The following BBS7 variants were observed in gnomAD, a reference collection of about 807,000 sequenced individuals.
BBS7 encodes the protein BBSome complex member BBS7.
BBS7 carries 50 observed loss-of-function variants against 90.3 expected under a neutral mutation model. The ratio of observed to expected loss-of-function variants is 0.55; its 90% CI spans 0.44 to 0.70. The LOEUF is 0.70. Ranked by LOEUF, BBS7 falls within the 30% of genes least tolerant of loss-of-function variation. The pLI is 0.00. For missense variants in BBS7, 729 were observed against 838.9 expected (o/e 0.87, Z 1.62); for synonymous variants, 235 against 287.4 (o/e 0.82, Z 1.85).
intron 5 of BBS7, among the ~76,000 whole-genome samples, chr4:121,856,401 A>C (rs1726671567): frequency 6.6e-6 from 1 of 152,216 alleles, no homozygotes; most frequent in East Asian, 1.9e-4. Context: ...AAAAATATCC[A>C]TGATCTATAA....
intron 10 of BBS7, 113 bp from the exon 11 acceptor site, chr4:121,845,809 G>T: frequency 2.0e-6 from 2 of 999,470 alleles, no homozygotes; most frequent in Non-Finnish European, 3.0e-6. Flanking sequence ...TTTATTGGTT[G>T]AGTTAATAAA....
intron 10 of BBS7, 66 bp downstream of exon 10, chr4:121,847,337 TA>T (rs1372982133): frequency 1.0e-6 from 1 of 995,644 alleles, no homozygotes; most frequent in East Asian, 2.4e-5. Flanking sequence ...CATCTATAAG[TA>T]ATAAAAAGCA....
intron 2 of BBS7, among the ~76,000 whole-genome samples, chr4:121,865,507 G>A (rs113487275): frequency 1.4e-3 from 209 of 152,272 alleles, no homozygotes; most frequent in African/African-American, 4.8e-3. Flanking sequence ...CCAAAGTGCT[G>A]GGATTACAGG....
intron 13 of BBS7, among the ~76,000 whole-genome samples, chr4:121,837,158 G>A (rs1029996464): frequency 4.6e-5 from 7 of 151,886 alleles, no homozygotes; most frequent in Non-Finnish European, 5.9e-5. Context: ...GTAGAGATAG[G>A]GTTTCACCAT....
intron 10 of BBS7, among the ~76,000 whole-genome samples, chr4:121,846,361 G>A (rs548790373): frequency 6.6e-6 from 1 of 152,306 alleles, no homozygotes; most frequent in South Asian, 2.1e-4. Context: ...CACAGTTTAG[G>A]AGGAAAAGTC....
At position 121,867,996 on chromosome 4, in the gene BBS7, G is replaced by A; in HGVS notation, c.87C>T (p.His29=). ...TATACAGTACCTTTTGTGTAGCTCT[G>A]TGTCTTGAGGCAGGAATTAGCTTCA... ...KTMKLIPASR[H]RATQKVVIGD... is the part of the protein sequence containing the mutation. Residue 29 remains histidine (H), a synonymous_variant, in exon 2 of 19, where the codon CAC becomes CAT. Coordinates refer to ENST00000264499, the MANE Select transcript of BBS7 (RefSeq NM_176824.3). 2 of 1,613,330 alleles carry A rather than the reference G, an allele frequency of 1.2e-6. No homozygotes were observed. The highest frequency in any genetic ancestry group is 1.1e-5 in the South Asian group (1 of 91,066).
chr4:121,845,482 A>C, intron 11 of BBS7, 22 bp downstream of exon 11: 1 of 1,592,210 alleles, frequency 6.3e-7, no homozygotes, highest in East Asian at 2.2e-5. Context: ...CATAAAACTA[A>C]GAAATTAGAC....
At chr4:121,851,408 A>C (rs1726312805) in intron 8 of BBS7, among the ~76,000 whole-genome samples, 2 of 139,926 alleles carry the variant, frequency 1.4e-5, no homozygotes, top group Non-Finnish European at 1.6e-5. Flanking sequence ...GGAAAAAAGG[A>C]AGGAAGGAGG....
At chr4:121,858,934 G>T in intron 5 of BBS7, 58 bp downstream of exon 5, 1 of 1,490,628 alleles carries the variant, frequency 6.7e-7, no homozygotes, top group Non-Finnish European at 9.3e-7. Flanking sequence ...AGTACATAAT[G>T]TTCATTGATA....
chr4:121,870,225 C>G, intron 1 of BBS7, 53 bp downstream of exon 1: 1 of 1,610,956 alleles, frequency 6.2e-7, no homozygotes, highest in Non-Finnish European at 8.5e-7. Context: ...AAGGAATCCT[C>G]TCCGGGTGCT....
At position 121,869,869 on chromosome 4, in the gene BBS7, T is replaced by C. The variant is rs566432486; in HGVS notation, c.36+409A>G. On this transcript the variant is annotated intron_variant, in intron 1 of 18. Transcript: ENST00000264499. Reference sequence around the variant, plus strand: ...TTCATTGCTTTTACCATGATCTGCCTGGTGCGGTACAGCTCACAGTAAGAA... The same window carrying C: ...TTCATTGCTTTTACCATGATCTGCCCGGTGCGGTACAGCTCACAGTAAGAA... Among the ~76,000 whole-genome samples the C allele has an allele frequency of 1.2e-4, 18 of 152,276 alleles. No homozygotes were observed. In the South Asian group the frequency reaches 3.7e-3, roughly 32 times the overall value.
intron 1 of BBS7, among the ~76,000 whole-genome samples, chr4:121,869,583 A>T (rs559657426): frequency 7.9e-5 from 12 of 152,214 alleles, no homozygotes; most frequent in African/African-American, 2.9e-4. Flanking sequence ...CTGTCGCCCC[A>T]GCTGGAGTGC....
At chr4:121,846,657 C>G (rs1470310021) in intron 10 of BBS7, among the ~76,000 whole-genome samples, 2 of 152,118 alleles carry the variant, frequency 1.3e-5, no homozygotes, top group Non-Finnish European at 2.9e-5. Flanking sequence ...CTGAATGAAT[C>G]TGGTATACTT....
intron 3 of BBS7, 136 bp downstream of exon 3, chr4:121,863,081 T>C: frequency 1.3e-6 from 1 of 793,416 alleles, no homozygotes; most frequent in East Asian, 2.5e-5. Flanking sequence ...CGCAGACTCA[T>C]ATCTCACATA....
intron 18 of BBS7, among the ~76,000 whole-genome samples, chr4:121,826,985 AAAACAAAC>A (rs535130242): frequency 6.6e-6 from 1 of 152,216 alleles, no homozygotes; most frequent in Admixed American, 6.5e-5. Flanking sequence ...TCTGTCTCAA[AAAACAAAC>A]AAACAAACAA....
chr4:121,857,270 T>G (rs112372690), intron 5 of BBS7, among the ~76,000 whole-genome samples: 123 of 151,940 alleles, frequency 8.1e-4, no homozygotes, highest in African/African-American at 2.8e-3. Flanking sequence ...ACTACTGGCA[T>G]GCACCACCAT....
intron 4 of BBS7, among the ~76,000 whole-genome samples, chr4:121,861,010 T>C (rs1411626171): frequency 6.6e-6 from 1 of 152,206 alleles, no homozygotes; most frequent in African/African-American, 2.4e-5. Context: ...AAAGCCCTTT[T>C]CAGCTCCCTG....
intron 10 of BBS7, among the ~76,000 whole-genome samples, chr4:121,846,464 C>T (rs1726015969): frequency 6.6e-6 from 1 of 152,068 alleles, no homozygotes; most frequent in Non-Finnish European, 1.5e-5. Context: ...CATATTTACT[C>T]CTATGTACCT....
At chr4:121,847,046 G>A (rs190511393) in intron 10 of BBS7, among the ~76,000 whole-genome samples, 4 of 152,132 alleles carry the variant, frequency 2.6e-5, no homozygotes, top group East Asian at 3.9e-4. Flanking sequence ...AACAGCAAAC[G>A]TTAGAGTTAA....
Sources: gnomAD v4.1 joint callset for allele counts (sites outside exome capture counted in the v4.1 genomes callset) on GRCh38, gnomAD v4.1.1 for gene constraint, MANE v1.5 for transcripts, NCBI Gene and HGNC (gene_info 2026-07-23, HGNC 2026-07-21) for gene names.